Variants in NT5DC3 observed in about 807,000 individuals in gnomAD.
The protein encoded by NT5DC3 is 5'-nucleotidase domain-containing protein 3.
Under a neutral mutation model 67.8 loss-of-function variants are expected in NT5DC3, and 42 were observed. The observed-to-expected ratio is 0.62, with a 90% CI of 0.48 to 0.80. NT5DC3 has a LOEUF of 0.80. Among genes scored for constraint, NT5DC3 ranks in the 30% least tolerant of loss-of-function variants. The pLI, the probability that NT5DC3 is intolerant of heterozygous loss-of-function variation, is 0.00. For synonymous variants in NT5DC3, 237 were observed against 255.6 expected (o/e 0.93, Z 0.69); for missense variants, 570 against 696.4 (o/e 0.82, Z 2.04).
chr12:103,810,940 AG>A (rs1887002018), intron 2 of NT5DC3, among the ~76,000 whole-genome samples: 1 of 152,220 alleles, frequency 6.6e-6, no homozygotes, highest in Non-Finnish European at 1.5e-5. Context: ...ATCTAATTAG[AG>A]GCAACGCAGA....
chr12:103,770,021 C>A (rs1395094459), downstream of NT5DC3, among the ~76,000 whole-genome samples: 2 of 152,196 alleles, frequency 1.3e-5, no homozygotes, highest in Admixed American at 1.3e-4. Context: ...TGTGCAGCCA[C>A]GAGGCAGTTT....
intron 4 of NT5DC3, chr12:103,802,065 C>T (rs1886610721): frequency 6.6e-6 from 1 of 152,306 alleles, no homozygotes; most frequent in African/African-American, 2.4e-5. Flanking sequence ...ACACTCCCTC[C>T]AGAGTCCAGC....
intron 2 of NT5DC3, among the ~76,000 whole-genome samples, chr12:103,813,812 G>C (rs1384170455): frequency 6.6e-6 from 1 of 152,200 alleles, no homozygotes. Context: ...GTCTTAGAGG[G>C]CGTAATGGCT....
At chr12:103,809,226 T>C (rs1886928381) in intron 2 of NT5DC3, among the ~76,000 whole-genome samples, 1 of 152,222 alleles carries the variant, frequency 6.6e-6, no homozygotes, top group South Asian at 2.1e-4. Flanking sequence ...CAGTTACGAG[T>C]GGAGCACCAA....
At chr12:103,750,450 G>C in the NT5DC3 span, 1 of 1,169,646 alleles carries the variant, frequency 8.5e-7, no homozygotes, top group Non-Finnish European at 1.2e-6. Flanking sequence ...ATTCCCACTG[G>C]ACAGGAAAGG....
At chr12:103,758,143 C>T in the NT5DC3 span, 9 of 1,613,570 alleles carry the variant, frequency 5.6e-6, no homozygotes, top group African/African-American at 2.7e-5. Flanking sequence ...GGGCTGGCCC[C>T]TCTGATGACT....
In NT5DC3 at chr12:103,796,893, C is replaced by T. The variant is rs745707408; in HGVS notation, c.753+1G>A. ...CTGTAATCTCTCACTGTGGATACAA[C>T]CTTGACATCTTTGTACAGATGCACA... is the stretch of plus-strand genomic sequence containing the variant. On this transcript the variant is annotated splice_donor_variant, in intron 6 of 13. Coordinates refer to ENST00000392876, the MANE Select transcript of NT5DC3 (RefSeq NM_001031701.3). LOFTEE classifies it high-confidence loss of function. 6.2e-7 allele frequency: 1 copy of T among 1,614,148 alleles called. No homozygotes were observed. Among genetic ancestry groups the T allele is most frequent in the South Asian group, 1.1e-5 (1 of 91,092 alleles).
chr12:103,766,423 G>A (rs1045700963), downstream of NT5DC3: 19 of 1,472,578 alleles, frequency 1.3e-5, no homozygotes, highest in Admixed American at 1.4e-4. Flanking sequence ...TTTTAGGAAC[G>A]TAAAGTCCTT....
At chr12:103,829,013 C>A (rs191959043) in intron 1 of NT5DC3, among the ~76,000 whole-genome samples, 1 of 152,226 alleles carries the variant, frequency 6.6e-6, no homozygotes, top group African/African-American at 2.4e-5. Flanking sequence ...CTGCATTTCT[C>A]TAGACTTTTA....
At chr12:103,821,100 T>C (rs1887471574) in intron 1 of NT5DC3, among the ~76,000 whole-genome samples, 1 of 152,224 alleles carries the variant, frequency 6.6e-6, no homozygotes, top group Non-Finnish European at 1.5e-5. Context: ...ACCGTGCCTA[T>C]CATGGAGATA....
intron 6 of NT5DC3, among the ~76,000 whole-genome samples, chr12:103,794,736 T>C (rs1216779125): frequency 1.3e-5 from 2 of 152,122 alleles, no homozygotes; most frequent in Non-Finnish European, 2.9e-5. Context: ...CAGAGACAAA[T>C]AGCTTACAAG....
At chr12:103,804,063 T>G (rs1886698173) in intron 4 of NT5DC3, among the ~76,000 whole-genome samples, 1 of 152,120 alleles carries the variant, frequency 6.6e-6, no homozygotes, top group South Asian at 2.1e-4. Flanking sequence ...TTCATATAGT[T>G]ATTTTGAGGA....
chr12:103,800,640 T>C (rs4964794), intron 4 of NT5DC3, among the ~76,000 whole-genome samples: 41,493 of 152,134 alleles, frequency 0.27, 6,111 homozygotes, highest in East Asian at 0.58. Context: ...CTGCATCGAA[T>C]GAAGAGCCAA....
downstream of NT5DC3, among the ~76,000 whole-genome samples, chr12:103,771,900 C>CA (rs1484195370): frequency 6.6e-6 from 1 of 152,240 alleles, no homozygotes; most frequent in South Asian, 2.1e-4. Context: ...AAATCGCCCC[C>CA]AAAAAATCAA....
At chr12:103,818,441 T>C (rs567843399) in intron 1 of NT5DC3, among the ~76,000 whole-genome samples, 1 of 151,114 alleles carries the variant, frequency 6.6e-6, no homozygotes, top group South Asian at 2.1e-4. Context: ...AGTGGTACAA[T>C]GCCAGCTCAC....
the NT5DC3 span, among the ~76,000 whole-genome samples, chr12:103,760,764 AAATGATTTCTATTT>A: frequency 3.3e-5 from 5 of 152,220 alleles, no homozygotes; most frequent in Non-Finnish European, 5.9e-5. Flanking sequence ...TTATCTCATT[AAATGATTTCTATTT>A]AAGAGCAGTT....
At chr12:103,802,365 C>A (rs1244006941) in intron 4 of NT5DC3, 1 of 152,206 alleles carries the variant, frequency 6.6e-6, no homozygotes, top group East Asian at 1.9e-4. Flanking sequence ...TGGCAGAACA[C>A]CAGCAGGAGC....
chr12:103,785,750 G>GT (rs770850658), intron 11 of NT5DC3: 12 of 278,136 alleles, frequency 4.3e-5, no homozygotes, highest in South Asian at 2.4e-4. Context: ...ACCATGGTCT[G>GT]TAAAAAAAAA....
chr12:103,783,576 G>A (rs1240443669), intron 12 of NT5DC3, among the ~76,000 whole-genome samples: 1 of 152,062 alleles, frequency 6.6e-6, no homozygotes. Flanking sequence ...TGTGATTCTA[G>A]AAAAGTCACC....
Sources: allele counts gnomAD v4.1 joint callset (sites outside exome capture counted in the v4.1 genomes callset), GRCh38; gene constraint gnomAD v4.1.1; transcripts MANE v1.5; gene names NCBI Gene and HGNC (gene_info 2026-07-23, HGNC 2026-07-21).